ORM2: variants seen among roughly 807,000 people sequenced by gnomAD.
ORM2 encodes alpha-1-acid glycoprotein 2.
ORM2 carries 19 observed loss-of-function variants against 26.8 expected under a neutral mutation model. The ratio of observed to expected loss-of-function variants is 0.71; its 90% CI spans 0.49 to 1.04. The LOEUF (loss-of-function observed/expected upper bound fraction) is 1.04, where lower values mean the gene tolerates loss of function less well. Ranked by LOEUF, ORM2 falls within the 50% of genes least tolerant of loss-of-function variation. The pLI, the probability that ORM2 is intolerant of heterozygous loss-of-function variation, is 0.00. For synonymous variants in ORM2, 94 were observed against 100.0 expected (o/e 0.94, Z 0.36); for missense variants, 259 against 244.9 (o/e 1.06, Z -0.39).
intron 5 of ORM2, 33 bp downstream of exon 5, chr9:114,331,962 G>C: frequency 1.9e-6 from 3 of 1,595,148 alleles, no homozygotes; most frequent in Non-Finnish European, 8.6e-7. Flanking sequence ...TGCCCACCTT[G>C]TCCATGGCCC....
At chr9:114,331,721 C>T (rs751517453) in intron 4 of ORM2, 47 bp downstream of exon 4, 27 of 1,582,240 alleles carry the variant, frequency 1.7e-5, no homozygotes, top group Admixed American at 1.0e-4. Context: ...TCAGGCCTCA[C>T]CCCCCATTCA....
intron 4 of ORM2, 48 bp downstream of exon 4, chr9:114,331,722 C>T (rs747640777): frequency 3.2e-6 from 5 of 1,583,380 alleles, no homozygotes; most frequent in Non-Finnish European, 4.3e-6. Flanking sequence ...CAGGCCTCAC[C>T]CCCCATTCAC....
Position 114,330,779 on chromosome 9 carries a change from T to C in ORM2, c.258-13T>C. On this transcript the variant is annotated splice_polypyrimidine_tract_variant and intron_variant, in intron 2 of 5. Transcript: ENST00000431067. Reference sequence around the variant, plus strand: ...ACATTACTGTTTTTCTTCCGCCTTCTGGTTGACTTTAGCCAGAACCAGTGC... The same window carrying C: ...ACATTACTGTTTTTCTTCCGCCTTCCGGTTGACTTTAGCCAGAACCAGTGC... The C allele has an allele frequency of 5.0e-6, 8 of 1,613,490 alleles. No homozygotes were observed. Among genetic ancestry groups the C allele is most frequent in the Non-Finnish European group, 6.8e-6 (8 of 1,179,582 alleles).
At chr9:114,331,171 A>T (rs1366719681) in intron 3 of ORM2, among the ~76,000 whole-genome samples, 1 of 152,058 alleles carries the variant, frequency 6.6e-6, no homozygotes, top group Non-Finnish European at 1.5e-5. Context: ...ATCCTTTGCA[A>T]ACCAATGGTA....
rs781357754 is a variant in ORM2 at position 114,331,656 on chromosome 9, TG to T, written c.423del (p.Leu142CysfsTer?). 1 of 1,613,788 alleles carries T rather than the reference TG, an allele frequency of 6.2e-7. No homozygotes were observed. The highest frequency in any genetic ancestry group is 2.2e-5 in the East Asian group (1 of 44,864). On this transcript the variant is annotated frameshift_variant, in exon 4 of 6. Coordinates refer to ENST00000431067, the MANE Select transcript of ORM2 (RefSeq NM_000608.4). LOFTEE classifies it high-confidence loss of function. ...FGSYLDDEKN[W>X]GLSFYADKPE... is the part of the protein sequence containing the mutation. ...TTCCTACCTGGACGATGAGAAGAAC[TG>T]GGGGCTGTCTTTCTATGGTAGGCAT...
Position 114,331,684 on chromosome 9 carries a change from C to T in ORM2, c.436+10C>T, listed in dbSNP as rs1829855609. ...GGGCTGTCTTTCTATGGTAGGCATG[C>T]TTAGCAGCCCCAAACTCATGCCCCT... On this transcript the variant is annotated intron_variant, in intron 4 of 5. Coordinates refer to ENST00000431067, the MANE Select transcript of ORM2 (RefSeq NM_000608.4). 1.2e-6 allele frequency: 2 copies of T among 1,608,998 alleles called. No individual in the cohort carries two copies. Among genetic ancestry groups the T allele is most frequent in the African/African-American group, 1.3e-5 (1 of 74,522 alleles).
chr9:114,331,713 A>C, intron 4 of ORM2, 39 bp downstream of exon 4: 1 of 1,593,478 alleles, frequency 6.3e-7, no homozygotes, highest in East Asian at 2.2e-5. Flanking sequence ...TGCCCCTCTC[A>C]GGCCTCACCC....
At chr9:114,330,062 C>T (rs1829825959) in intron 1 of ORM2, 44 bp downstream of exon 1, 5 of 1,609,908 alleles carry the variant, frequency 3.1e-6, no homozygotes, top group Non-Finnish European at 4.2e-6. Flanking sequence ...TGGGCAGCTG[C>T]CTCCCTTCTC....
Position 114,330,587 on chromosome 9 carries a change from C to G in ORM2, c.257+11C>G, listed in dbSNP as rs1564607330. 2 of 1,612,530 alleles carry G rather than the reference C, an allele frequency of 1.2e-6. No homozygotes were observed. Among genetic ancestry groups the G allele is most frequent in the Non-Finnish European group, 8.5e-7 (1 of 1,179,734 alleles). ...AGAGTACCAGACCCGGTGAGAGCCC[C>G]CATTCCAATGCACCCCCATCTCAGC... On this transcript the variant is annotated intron_variant, in intron 2 of 5. Coordinates refer to ENST00000431067, the MANE Select transcript of ORM2 (RefSeq NM_000608.4).
In ORM2 at chr9:114,330,789, T is replaced by G; in HGVS notation, c.258-3T>G. The stretch of plus-strand genomic sequence containing the variant: ...TTTTCTTCCGCCTTCTGGTTGACTT[T>G]AGCCAGAACCAGTGCTTCTATAACT... On this transcript the variant is annotated splice_region_variant and splice_polypyrimidine_tract_variant and intron_variant, in intron 2 of 5. Coordinates refer to ENST00000431067, the MANE Select transcript of ORM2 (RefSeq NM_000608.4). 2 of 1,613,740 alleles carry G rather than the reference T, an allele frequency of 1.2e-6. No individual in the cohort carries two copies. Among genetic ancestry groups the G allele is most frequent in the Non-Finnish European group, 1.7e-6 (2 of 1,179,766 alleles).
chr9:114,331,632 T>C lies in ORM2; in HGVS notation c.394T>C (p.Ser132Pro), dbSNP rs373599693. The C allele has an allele frequency of 1.9e-6, 3 of 1,613,866 alleles. No individual in the cohort carries two copies. Among genetic ancestry groups the C allele is most frequent in the Non-Finnish European group, 2.5e-6 (3 of 1,180,008 alleles). Residue 132 changes from serine (S) to proline (P), a missense_variant, in exon 4 of 6, where the codon TCC (serine) becomes CCC (proline). This residue lies in a region of ORM2 where 251 missense variants were observed against 220.5 expected (regional missense o/e 1.14). Transcript: ENST00000431067. ...GGACACCAAGACCTTGATGTTTGGT[T>C]CCTACCTGGACGATGAGAAGAACTG... The part of the protein sequence containing the change: ...LRDTKTLMFG[S>P]YLDDEKNWGL...
rs1829859652 is a variant in ORM2, at chr9:114,331,887, G to C, written c.498G>C (p.Leu166Phe). The change falls in exon 5 of 6, where the codon TTG (leucine) becomes TTC (phenylalanine). Residue 166 changes from leucine to phenylalanine, a missense_variant. By Grantham distance (22) the Leu-to-Phe change is conservative (BLOSUM62 0). This residue lies in a region of ORM2 where 251 missense variants were observed against 220.5 expected (regional missense o/e 1.14). Coordinates refer to ENST00000431067, the MANE Select transcript of ORM2 (RefSeq NM_000608.4). ...AGTTCTACGAAGCTCTCGACTGCTT[G>C]TGCATTCCCAGGTCAGATGTCATGT... ...LGEFYEALDCLCIPRSDVMYT... is the reference protein window; with the variant it reads ...LGEFYEALDCFCIPRSDVMYT... 6.8e-6 allele frequency: 11 copies of C among 1,613,888 alleles called. No homozygotes were observed. The highest frequency in any genetic ancestry group is 8.5e-6 in the Non-Finnish European group (10 of 1,179,876).
In ORM2 at chr9:114,330,842, A is replaced by G; in HGVS notation, c.308A>G (p.Asn103Ser). The G allele has an allele frequency of 6.2e-7, 1 of 1,613,924 alleles. No homozygotes were observed. Among genetic ancestry groups the G allele is most frequent in the Non-Finnish European group, 8.5e-7 (1 of 1,179,948 alleles). Reference protein sequence around the residue: ...NSSYLNVQRENGTVSRYEGGR... With the variant: ...NSSYLNVQRESGTVSRYEGGR... ...AGTTACCTGAATGTCCAGCGGGAGA[A>G]TGGGACCGTCTCCAGATACGGTGAG... is the stretch of plus-strand genomic sequence containing the variant. Residue 103 changes from asparagine (N) to serine (S), a missense_variant, in exon 3 of 6, where the codon AAT (asparagine) becomes AGT (serine). This residue lies in a region of ORM2 where 251 missense variants were observed against 220.5 expected (regional missense o/e 1.14). Transcript: ENST00000431067.
At chr9:114,330,768 C>A in intron 2 of ORM2, 24 bp from the exon 3 acceptor site, 1 of 1,612,204 alleles carries the variant, frequency 6.2e-7, no homozygotes, top group Non-Finnish European at 8.5e-7. Context: ...TACTGTTTTT[C>A]TTCCGCCTTC....
chr9:114,332,612 C>T (rs1464894401), intron 5 of ORM2, among the ~76,000 whole-genome samples: 1 of 152,056 alleles, frequency 6.6e-6, no homozygotes, highest in Non-Finnish European at 1.5e-5. Context: ...ACCTCCTGCC[C>T]CATCCCCAGC....
intron 3 of ORM2, among the ~76,000 whole-genome samples, chr9:114,331,341 C>T (rs1176264466): frequency 1.3e-5 from 2 of 152,076 alleles, no homozygotes; most frequent in Non-Finnish European, 2.9e-5. Context: ...GGGAGAAAGG[C>T]CCTGACAGCC....
In ORM2 at chr9:114,330,492, C is replaced by G; in HGVS notation, c.173C>G (p.Ser58Trp). The stretch of plus-strand genomic sequence containing the variant: ...TTTCGAAACGAGGAGTACAATAAGT[C>G]GGTTCAGGAGATCCAAGCAACCTTC... ...SAFRNEEYNK[S>W]VQEIQATFFY... Residue 58 changes from serine (S) to tryptophan (W), a missense_variant, in exon 2 of 6, where the codon TCG becomes TGG. Coordinates refer to ENST00000431067, the MANE Select transcript of ORM2 (RefSeq NM_000608.4). The G allele has an allele frequency of 3.7e-6, 6 of 1,611,404 alleles. No individual in the cohort carries two copies. Among genetic ancestry groups the G allele is most frequent in the Non-Finnish European group, 4.2e-6 (5 of 1,179,698 alleles).
In ORM2 at chr9:114,330,014, A is replaced by C. The variant is rs1431275939; in HGVS notation, c.110A>C (p.Asp37Ala). 1.4e-5 allele frequency: 22 copies of C among 1,577,786 alleles called. No homozygotes were observed. The highest frequency in any genetic ancestry group is 1.9e-5 in the Non-Finnish European group (22 of 1,163,634). ...GTGCCCATCACCAACGCCACCCTGGACCGGGTGAGTGCCTGGGCTAGCCCT... is the reference window on the plus strand; with the variant it reads ...GTGCCCATCACCAACGCCACCCTGGCCCGGGTGAGTGCCTGGGCTAGCCCT... Reference protein sequence around the residue: ...VPVPITNATLDRITGKWFYIA... With the variant: ...VPVPITNATLARITGKWFYIA... Residue 37 changes from aspartate to alanine, a missense_variant, in exon 1 of 6, where the codon GAC becomes GCC. Asp to Ala is a moderately radical substitution (Grantham distance 126). Transcript: ENST00000431067.
rs1454852192 is a variant in ORM2, at chr9:114,330,977, C to T, written c.328+115C>T. 1.9e-5 allele frequency: 15 copies of T among 787,574 alleles called. No homozygotes were observed. The Admixed American group carries it at 2.7e-4, about 14-fold the overall frequency. The allele number at this position is 787,574 out of a possible 1,614,324, so 48.8% of individuals were successfully genotyped here. ...TTGGGCACAGAGAAATAACCACTAA[C>T]ATTTTTGAGCTCTTACCACGTGCTC... is the stretch of plus-strand genomic sequence containing the variant. On this transcript the variant is annotated intron_variant, in intron 3 of 5. Coordinates refer to ENST00000431067, the MANE Select transcript of ORM2 (RefSeq NM_000608.4).
Sources: gnomAD v4.1 joint callset for allele counts (sites outside exome capture counted in the v4.1 genomes callset) on GRCh38, gnomAD v4.1.1 for gene constraint, gnomAD v4.1.1 regional missense constraint, MANE v1.5 for transcripts, NCBI Gene and HGNC (gene_info 2026-07-23, HGNC 2026-07-21) for gene names.